Variants in TSHR observed in about 807,000 individuals in gnomAD.
The protein encoded by TSHR is thyroid stimulating hormone receptor.
In TSHR, 51 loss-of-function variants were observed where a neutral mutation model predicts 64.1. The observed-to-expected ratio is 0.80, with a 90% CI of 0.64 to 1.01. The LOEUF (loss-of-function observed/expected upper bound fraction) is 1.01, where lower values mean the gene tolerates loss of function less well. Among genes scored for constraint, TSHR ranks in the 50% least tolerant of loss-of-function variants. TSHR has a pLI of 0.00. For missense variants in TSHR, 877 were observed against 942.8 expected (o/e 0.93, Z 0.91); for synonymous variants, 361 against 361.9 (o/e 1.00, Z 0.03).
chr14:81,064,860 T>C (rs1886495439), intron 2 of TSHR, among the ~76,000 whole-genome samples: 1 of 151,860 alleles, frequency 6.6e-6, no homozygotes, highest in Non-Finnish European at 1.5e-5. Flanking sequence ...TTTAAGAGCA[T>C]GTGGTCCCTG....
At chr14:81,129,017 T>A (rs1004747638) in intron 8 of TSHR, among the ~76,000 whole-genome samples, 1 of 152,092 alleles carries the variant, frequency 6.6e-6, no homozygotes, top group Non-Finnish European at 1.5e-5. Flanking sequence ...ATATATAATA[T>A]TTTTTTCCTC....
intron 4 of TSHR, among the ~76,000 whole-genome samples, chr14:81,088,566 T>G (rs969627298): frequency 6.6e-6 from 1 of 152,158 alleles, no homozygotes; most frequent in Non-Finnish European, 1.5e-5. Flanking sequence ...ACCACAACAT[T>G]TTTTTTCTCT....
intron 1 of TSHR, among the ~76,000 whole-genome samples, chr14:81,016,929 C>T (rs1883442468): frequency 6.6e-6 from 1 of 152,248 alleles, no homozygotes; most frequent in South Asian, 2.1e-4. Flanking sequence ...TATCCAAACA[C>T]AGTTACAATG....
At chr14:81,037,184 G>A (rs1003972575) in intron 1 of TSHR, among the ~76,000 whole-genome samples, 4 of 151,742 alleles carry the variant, frequency 2.6e-5, no homozygotes, top group Non-Finnish European at 5.9e-5. Context: ...AATTTGGGAG[G>A]TAGAAGGTAA....
In TSHR at chr14:80,978,647, A is replaced by G. The variant is rs530311162; in HGVS notation, c.170+22797A>G. Among the ~76,000 whole-genome samples the G allele has an allele frequency of 9.2e-5, 14 of 152,272 alleles. No homozygotes were observed. In the South Asian group the frequency reaches 2.7e-3, roughly 29 times the overall value. ...GGAAGAGTAGAGCCTTGGTTAAAAC[A>G]CTGTGACAGTTCCTGCAGGTGCTGC... On this transcript the variant is annotated intron_variant, in intron 1 of 9. Transcript: ENST00000298171.
chr14:81,136,690 G>A lies in TSHR; in HGVS notation c.693-2989G>A, dbSNP rs534892707. On this transcript the variant is annotated intron_variant, in intron 8 of 9. Transcript: ENST00000298171. ...CAGATAAACTTCAAATTGGGACAAG[G>A]AGGAAATTAACAATTATTGAGCACC... Among the ~76,000 whole-genome samples, 392 of 152,274 alleles carry A rather than the reference G, an allele frequency of 2.6e-3. 1 individual carries two copies. Among genetic ancestry groups the A allele is most frequent in the Non-Finnish European group, 4.2e-3 (288 of 68,020 alleles).
intron 1 of TSHR, among the ~76,000 whole-genome samples, chr14:81,056,503 G>A (rs571404085): frequency 3.9e-5 from 6 of 152,202 alleles, no homozygotes; most frequent in African/African-American, 4.8e-5. Context: ...CTCACTGGGC[G>A]TAAAGTATGC....
chr14:81,087,575 G>C, intron 3 of TSHR: 1 of 302,854 alleles, frequency 3.3e-6, no homozygotes, highest in Non-Finnish European at 6.4e-6. Context: ...TCATTGTCTT[G>C]GCCAGAATAC....
At chr14:81,028,264 T>A (rs1455671630) in intron 1 of TSHR, among the ~76,000 whole-genome samples, 1 of 152,066 alleles carries the variant, frequency 6.6e-6, no homozygotes, top group African/African-American at 2.4e-5. Flanking sequence ...CTGGTTTACA[T>A]CACATAAACC....
chr14:81,037,017 C>T (rs184579661), intron 1 of TSHR, among the ~76,000 whole-genome samples: 199 of 152,032 alleles, frequency 1.3e-3, no homozygotes, highest in Non-Finnish European at 2.2e-3. Context: ...GTGGTGTGTG[C>T]CTGCAGTCCC....
chr14:80,971,103 C>T (rs948643550), intron 1 of TSHR, among the ~76,000 whole-genome samples: 3 of 152,152 alleles, frequency 2.0e-5, no homozygotes, highest in Non-Finnish European at 2.9e-5. Flanking sequence ...GGATTACAAG[C>T]GTGAGCCACC....
chr14:81,124,425 C>T (rs978575870), intron 8 of TSHR, among the ~76,000 whole-genome samples: 2 of 151,986 alleles, frequency 1.3e-5, no homozygotes, highest in East Asian at 1.9e-4. Context: ...TGATGCAATT[C>T]GACAAAACTA....
chr14:81,088,082 TA>T lies in TSHR; in HGVS notation c.392+56del. ...TTTTCTGGGGGGAGGGGGTCAGATT[TA>T]ATGCTGTTGTCTCCCAGGAATCTCC... On this transcript the variant is annotated intron_variant, in intron 4 of 9. Transcript: ENST00000298171. 2.2e-6 allele frequency: 3 copies of T among 1,371,060 alleles called. No individual in the cohort carries two copies. The South Asian group carries it at 3.5e-5, about 16-fold the overall frequency. The allele number at this position is 1,371,060 out of a possible 1,614,324, so 84.9% of individuals were successfully genotyped here.
chr14:81,099,617 AAC>A (rs1322865764), intron 7 of TSHR: 2 of 152,202 alleles, frequency 1.3e-5, no homozygotes, highest in Non-Finnish European at 2.9e-5. Flanking sequence ...CACATCAAGA[AAC>A]AGTGTTGTTA....
chr14:81,102,851 T>C (rs924841289), intron 7 of TSHR: 6 of 985,222 alleles, frequency 6.1e-6, no homozygotes, highest in Middle Eastern at 5.2e-4. Context: ...AGGGCAAGCG[T>C]GGGATCAAGA....
chr14:81,056,177 T>A (rs573646016), intron 1 of TSHR, among the ~76,000 whole-genome samples: 8 of 152,162 alleles, frequency 5.3e-5, no homozygotes. Flanking sequence ...CTGCCATCCA[T>A]GTAAGACATG....
intron 1 of TSHR, among the ~76,000 whole-genome samples, chr14:81,024,997 A>T (rs990577116): frequency 6.6e-6 from 1 of 152,234 alleles, no homozygotes. Context: ...GTGACATGAA[A>T]TTTTAAGCAG....
rs774463039 is a variant in TSHR at position 81,144,122 on chromosome 14, T to A, written c.2064T>A (p.Asp688Glu). The A allele has an allele frequency of 6.2e-7, 1 of 1,614,174 alleles. No individual in the cohort carries two copies. Among genetic ancestry groups the A allele is most frequent in the South Asian group, 1.1e-5 (1 of 91,088 alleles). ...TTTTCACCAAGGCCTTCCAGAGGGA[T>A]GTGTTCATCCTACTCAGCAAGTTTG... is the stretch of plus-strand genomic sequence containing the variant. The part of the protein sequence containing the change: ...YAIFTKAFQR[D>E]VFILLSKFGI... The change falls in exon 10 of 10, where the codon GAT becomes GAA. Residue 688 changes from aspartate (D) to glutamate (E), a missense_variant. Physicochemically the swap from Asp to Glu is conservative, Grantham distance 45. Transcript: ENST00000298171.
intron 3 of TSHR, among the ~76,000 whole-genome samples, chr14:81,074,155 G>A (rs979056484): frequency 7.2e-5 from 11 of 152,042 alleles, no homozygotes; most frequent in African/African-American, 2.7e-4. Context: ...ATTAAAAAGA[G>A]AATGAGTTTA....
Sources: allele counts gnomAD v4.1 joint callset (sites outside exome capture counted in the v4.1 genomes callset), GRCh38; gene constraint gnomAD v4.1.1; transcripts MANE v1.5; gene names NCBI Gene and HGNC (gene_info 2026-07-23, HGNC 2026-07-21).